The following ZNF136 variants were observed in gnomAD, a reference collection of about 807,000 sequenced individuals.
The protein encoded by ZNF136 is zinc finger protein 136 (clone pHZ-20).
Under a neutral mutation model 11.4 loss-of-function variants are expected in ZNF136, and 8 were observed. The observed-to-expected ratio is 0.70, with a 90% CI of 0.41 to 1.27. ZNF136 has a LOEUF of 1.27. ZNF136 is among the 50% of genes most tolerant of loss of function. The probability of loss-of-function intolerance (pLI) is 0.01; values close to 1 mark genes in which losing one functional copy is unlikely to be tolerated. For missense variants in ZNF136, 590 were observed against 656.5 expected (o/e 0.90, Z 1.11); for synonymous variants, 190 against 207.1 (o/e 0.92, Z 0.71).
chr19:12,182,507 C>G (rs74503984), intron 1 of ZNF136, among the ~76,000 whole-genome samples: 12,289 of 152,262 alleles, frequency 0.081, 633 homozygotes, highest in East Asian at 0.23. Flanking sequence ...GTTTACTCTT[C>G]CTCTGAAAAG....
intron 1 of ZNF136, among the ~76,000 whole-genome samples, chr19:12,166,767 A>G (rs1014723351): frequency 2.0e-5 from 3 of 152,202 alleles, no homozygotes; most frequent in South Asian, 4.1e-4. Flanking sequence ...CTTCCCTCCC[A>G]TAAACATTAA....
At chr19:12,185,690 C>A (rs1478861344) in intron 1 of ZNF136, 95 bp from the exon 2 acceptor site, 14 of 1,484,418 alleles carry the variant, frequency 9.4e-6, no homozygotes, top group Non-Finnish European at 1.2e-5. Context: ...TGTTTGCAGA[C>A]CCCTGAAACA....
At chr19:12,173,232 G>A (rs1024820511) in intron 1 of ZNF136, among the ~76,000 whole-genome samples, 1 of 152,142 alleles carries the variant, frequency 6.6e-6, no homozygotes, top group Non-Finnish European at 1.5e-5. Context: ...GAAGCACAGA[G>A]GCTAAGAAGA....
At chr19:12,167,461 C>T (rs1977202242) in intron 1 of ZNF136, among the ~76,000 whole-genome samples, 1 of 152,218 alleles carries the variant, frequency 6.6e-6, no homozygotes, top group Non-Finnish European at 1.5e-5. Flanking sequence ...TGCCATGGCT[C>T]ACGCTTGTAA....
rs1915166549 is a variant in ZNF136, at chr19:12,188,107, C to T, written c.*106C>T. The T allele has an allele frequency of 1.0e-6, 1 of 956,678 alleles. No individual in the cohort carries two copies. 59.3% of individuals were successfully genotyped at this position (956,678 alleles called of 1,614,324 possible). A position where few individuals can be genotyped will look rare whatever the true frequency, so the allele number is the denominator to read the frequency against. On this transcript the variant is annotated 3_prime_UTR_variant, in exon 4 of 4. Transcript: ENST00000343979. ...AATTCTGTCAGTGCCTTTTTTAATA[C>T]ATGAAAGAATTCTAGAGAGAAGCCA...
rs558611849 is a variant in ZNF136, at chr19:12,180,351, G to C, written c.4-5434G>C. On this transcript the variant is annotated intron_variant, in intron 1 of 3. Coordinates refer to ENST00000343979, the MANE Select transcript of ZNF136 (RefSeq NM_003437.5). ...ATATGCCTCATATGCCAGAACTGTA[G>C]ACTCAGAACATCCAGAATTAAGCAC... Among the ~76,000 whole-genome samples, 303 of 152,256 alleles carry C rather than the reference G, an allele frequency of 2.0e-3. 1 individual carries two copies. The highest frequency in any genetic ancestry group is 6.8e-3 in the African/African-American group (282 of 41,556).
At position 12,170,885 on chromosome 19, in the gene ZNF136, GA is replaced by G. The variant is rs1378756677; in HGVS notation, c.3+7680del. Among the ~76,000 whole-genome samples the G allele has an allele frequency of 2.0e-5, 3 of 150,892 alleles. No individual in the cohort carries two copies. The Admixed American group carries it at 2.0e-4, about 10-fold the overall frequency. On this transcript the variant is annotated intron_variant, in intron 1 of 3. Transcript: ENST00000343979. ...AGTTTCACTCTTGTTGCCCAGTCTG[GA>G]GTGCAATGGCAAAATCTCAGCTCAC... is the stretch of plus-strand genomic sequence containing the variant.
chr19:12,185,692 C>A (rs1279942158), intron 1 of ZNF136, 93 bp from the exon 2 acceptor site: 13 of 1,504,544 alleles, frequency 8.6e-6, no homozygotes, highest in Non-Finnish European at 1.1e-5. Flanking sequence ...TTTGCAGACC[C>A]CTGAAACATG....
rs1915207479 is a variant in ZNF136, at chr19:12,189,706, T to A, written c.*1705T>A. ...TTTATTTTGCTTCCTATTAAAGAGT[T>A]GTTGTTAATTCTAAGTATGTAAAGT... On this transcript the variant is annotated 3_prime_UTR_variant, in exon 4 of 4. Transcript: ENST00000343979. 1 of 152,170 alleles carries A rather than the reference T, an allele frequency of 6.6e-6. No individual in the cohort carries two copies. Among genetic ancestry groups the A allele is most frequent in the African/African-American group, 2.4e-5 (1 of 41,442 alleles). The allele number at this position is 152,170 out of a possible 1,614,324, so 9.4% of individuals were successfully genotyped here.
chr19:12,177,038 T>C (rs896197037), intron 1 of ZNF136, among the ~76,000 whole-genome samples: 1 of 152,236 alleles, frequency 6.6e-6, no homozygotes, highest in Non-Finnish European at 1.5e-5. Flanking sequence ...GTAGCATCTT[T>C]TAGCATGTTA....
At chr19:12,182,657 G>A (rs185978252) in intron 1 of ZNF136, among the ~76,000 whole-genome samples, 1 of 152,356 alleles carries the variant, frequency 6.6e-6, no homozygotes, top group East Asian at 1.9e-4. Context: ...TTCTCTCAGA[G>A]TACTTGAAGG....
rs201918425 is a variant in ZNF136 at position 12,165,596 on chromosome 19, T to TA, written c.3+2391dup. On this transcript the variant is annotated intron_variant, in intron 1 of 3. Transcript: ENST00000343979. ...GATATGTGTAGGTGCTGTGGCTTTT[T>TA]ACCTAAGAAGCAGAATCTCATTCCA... Among the ~76,000 whole-genome samples the TA allele has an allele frequency of 5.9e-3, 903 of 152,340 alleles. 5 individuals are homozygous for TA. The highest frequency in any genetic ancestry group is 0.021 in the African/African-American group (858 of 41,580).
intron 1 of ZNF136, among the ~76,000 whole-genome samples, chr19:12,179,431 C>T (rs1914886190): frequency 6.6e-6 from 1 of 151,944 alleles, no homozygotes; most frequent in Non-Finnish European, 1.5e-5. Flanking sequence ...CTGCCTCACC[C>T]TCCTGAGTAG....
At position 12,187,516 on chromosome 19, in the gene ZNF136, C is replaced by T. The variant is rs757219451; in HGVS notation, c.1138C>T (p.Arg380Ter). ...GEAFSCIPSM[R>*]RHMIKHTGEG... ...AGCATTCAGTTGTATCCCAAGTATG[C>T]GAAGACACATGATAAAACATACTGG... The change falls in exon 4 of 4, where the codon CGA becomes TGA. Residue 380 changes from arginine to a stop codon, truncating the protein, a stop_gained. Transcript: ENST00000343979. LOFTEE classifies it low-confidence loss of function (END_TRUNC). The T allele has an allele frequency of 5.6e-6, 9 of 1,613,492 alleles. No homozygotes were observed. Among genetic ancestry groups the T allele is most frequent in the Non-Finnish European group, 5.1e-6 (6 of 1,179,904 alleles).
intron 1 of ZNF136, chr19:12,185,162 ACTTT>A (rs1176916619): frequency 1.3e-5 from 2 of 152,230 alleles, no homozygotes; most frequent in East Asian, 3.8e-4. Context: ...GTTATTTAAA[ACTTT>A]CTAAGGAAGG....
Position 12,189,750 on chromosome 19 carries a change from T to C in ZNF136, c.*1749T>C, listed in dbSNP as rs1044340188. ...GTAAAGTTTATCACAGACTGTAGTC[T>C]CGTGAATTATTATTTTAACCTGTTG... On this transcript the variant is annotated 3_prime_UTR_variant, in exon 4 of 4. Transcript: ENST00000343979. The C allele has an allele frequency of 9.2e-5, 14 of 152,200 alleles. No individual in the cohort carries two copies. Among genetic ancestry groups the C allele is most frequent in the Admixed American group, 2.0e-4 (3 of 15,272 alleles). The allele number at this position is 152,200 out of a possible 1,614,324, so 9.4% of individuals were successfully genotyped here.
chr19:12,181,433 C>G (rs1914938368), intron 1 of ZNF136, among the ~76,000 whole-genome samples: 1 of 152,056 alleles, frequency 6.6e-6, no homozygotes, highest in African/African-American at 2.4e-5. Flanking sequence ...ACAGTGTTAT[C>G]AACTATTTGG....
intron 1 of ZNF136, among the ~76,000 whole-genome samples, chr19:12,164,006 T>C (rs1977149665): frequency 6.6e-6 from 1 of 152,156 alleles, no homozygotes; most frequent in South Asian, 2.1e-4. Context: ...GTTTCAAAAC[T>C]GTCTGGGGCT....
In ZNF136 at chr19:12,178,776, G is replaced by A. The variant is rs774295856; in HGVS notation, c.4-7009G>A. ...GAGGCTGAGGTGGGTGGATCATGAG[G>A]TCAGGAGATCGAGACCATCCTGGCT... On this transcript the variant is annotated intron_variant, in intron 1 of 3. Transcript: ENST00000343979. 4.6e-5 allele frequency among the ~76,000 whole-genome samples: 7 copies of A among 152,074 alleles called. No homozygotes were observed. In the South Asian group the frequency reaches 8.3e-4, roughly 18 times the overall value.
Sources: gnomAD v4.1 joint callset for allele counts (sites outside exome capture counted in the v4.1 genomes callset) on GRCh38, gnomAD v4.1.1 for gene constraint, MANE v1.5 for transcripts, NCBI Gene and HGNC (gene_info 2026-07-23, HGNC 2026-07-21) for gene names.